FER1L6: variants seen among roughly 807,000 people sequenced by gnomAD.
FER1L6 encodes the protein fer-1 like family member 6.
In FER1L6, 177 loss-of-function variants were observed where a neutral mutation model predicts 219.2. The ratio of observed to expected loss-of-function variants is 0.81; its 90% CI spans 0.71 to 0.91. The LOEUF (loss-of-function observed/expected upper bound fraction) is 0.91, where lower values mean the gene tolerates loss of function less well. FER1L6 is among the 40% of genes least tolerant of loss of function. FER1L6 has a pLI of 0.00. For missense variants in FER1L6, 2,153 were observed against 2,259.9 expected (o/e 0.95, Z 0.96); for synonymous variants, 768 against 824.3 (o/e 0.93, Z 1.17).
At chr8:123,883,075 C>A (rs938129201) in intron 1 of FER1L6, among the ~76,000 whole-genome samples, 1 of 152,060 alleles carries the variant, frequency 6.6e-6, no homozygotes, top group Non-Finnish European at 1.5e-5. Flanking sequence ...AATTCACCAC[C>A]ACCACTACAA....
intron 1 of FER1L6, among the ~76,000 whole-genome samples, chr8:123,904,223 T>TG (rs1563679451): frequency 7.6e-5 from 10 of 130,920 alleles, no homozygotes; most frequent in South Asian, 5.5e-4. Flanking sequence ...ACTCTGTATA[T>TG]TTGTGTGTGT....
intron 15 of FER1L6, among the ~76,000 whole-genome samples, chr8:124,016,958 A>G (rs1039222870): frequency 1.3e-5 from 2 of 152,186 alleles, no homozygotes; most frequent in African/African-American, 2.4e-5. Flanking sequence ...CTAAGAATTT[A>G]CACCCACCTT....
chr8:123,980,823 C>A lies in FER1L6; in HGVS notation c.1410+12C>A. ...ATGTCCCCCCGGAGGTAGGTCTAGG[C>A]ACTGCATTATGGTACTTTACCTATG... On this transcript the variant is annotated intron_variant, in intron 11 of 40. Transcript: ENST00000522917. 6.2e-7 allele frequency: 1 copy of A among 1,601,158 alleles called. No individual in the cohort carries two copies. The highest frequency in any genetic ancestry group is 2.2e-5 in the East Asian group (1 of 44,814).
chr8:124,056,537 C>T (rs1364304189), intron 22 of FER1L6, among the ~76,000 whole-genome samples: 1 of 152,172 alleles, frequency 6.6e-6, no homozygotes, highest in Non-Finnish European at 1.5e-5. Context: ...TTCTCTGATG[C>T]TTGGCACTCA....
intron 1 of FER1L6, among the ~76,000 whole-genome samples, chr8:123,907,758 G>C (rs939318471): frequency 3.8e-5 from 5 of 130,800 alleles, no homozygotes; most frequent in Non-Finnish European, 6.7e-5. Flanking sequence ...ATTCTGGGGA[G>C]TAGCAATCCC....
intron 1 of FER1L6, among the ~76,000 whole-genome samples, chr8:123,952,836 A>T (rs954221643): frequency 2.6e-5 from 4 of 152,204 alleles, no homozygotes; most frequent in African/African-American, 9.7e-5. Flanking sequence ...AAAAAATTGT[A>T]AACTCACATT....
At chr8:123,860,026 T>A (rs1351141548) in intron 1 of FER1L6, among the ~76,000 whole-genome samples, 1 of 145,792 alleles carries the variant, frequency 6.9e-6, no homozygotes, top group Non-Finnish European at 1.5e-5. Context: ...CATGTGCACT[T>A]TGTGCAGGTT....
chr8:123,925,402 G>A (rs183988184), intron 1 of FER1L6, among the ~76,000 whole-genome samples: 90 of 152,316 alleles, frequency 5.9e-4, no homozygotes, highest in Non-Finnish European at 1.1e-3. Flanking sequence ...TTTCAGGACA[G>A]AGCTGGAAGT....
intron 37 of FER1L6, 61 bp from the exon 38 acceptor site, chr8:124,101,036 A>G: frequency 6.6e-7 from 1 of 1,510,304 alleles, no homozygotes; most frequent in Non-Finnish European, 9.2e-7. Context: ...ATCACTTATG[A>G]TTATACTGAT....
intron 18 of FER1L6, among the ~76,000 whole-genome samples, chr8:124,023,900 GTTT>G (rs36091040): frequency 7.4e-6 from 1 of 135,100 alleles, no homozygotes; most frequent in African/African-American, 2.9e-5. Context: ...GAACCTTAAG[GTTT>G]TTTTTTTTTT....
chr8:123,970,063 A>C lies in FER1L6; in HGVS notation c.413A>C (p.Gln138Pro). 1.9e-6 allele frequency: 3 copies of C among 1,614,018 alleles called. No homozygotes were observed. The highest frequency in any genetic ancestry group is 2.5e-6 in the Non-Finnish European group (3 of 1,179,956). The change falls in exon 6 of 41, where the codon CAA becomes CCA. Residue 138 changes from glutamine (Q) to proline (P), a missense_variant. Gln to Pro is a moderately conservative substitution (Grantham distance 76, BLOSUM62 -1). Coordinates refer to ENST00000522917, the MANE Select transcript of FER1L6 (RefSeq NM_001039112.2). ...EYFVFDFIGP[Q>P]VHLFDKIIKI... ...TTTGTCTTCGACTTCATTGGGCCCC[A>C]AGTGCATCTTTTTGACAAGATCATC...
At chr8:124,035,578 T>A in intron 19 of FER1L6, 124 bp downstream of exon 19, 1 of 897,842 alleles carries the variant, frequency 1.1e-6, no homozygotes, top group Admixed American at 3.1e-5. Flanking sequence ...ATTGGTCTTC[T>A]TAAGTAAAGT....
chr8:123,894,541 GT>G (rs1299480990), intron 1 of FER1L6, among the ~76,000 whole-genome samples: 1 of 152,158 alleles, frequency 6.6e-6, no homozygotes, highest in Non-Finnish European at 1.5e-5. Flanking sequence ...CTAAACAATT[GT>G]AAAATGCTCA....
chr8:123,959,370 G>T (rs1474766162), intron 2 of FER1L6, among the ~76,000 whole-genome samples: 1 of 152,192 alleles, frequency 6.6e-6, no homozygotes, highest in Admixed American at 6.5e-5. Context: ...CGACAGCAAG[G>T]CCCCAGCCTG....
At chr8:124,002,932 T>C (rs1213302325) in intron 12 of FER1L6, among the ~76,000 whole-genome samples, 1 of 152,134 alleles carries the variant, frequency 6.6e-6, no homozygotes, top group African/African-American at 2.4e-5. Context: ...TTTTAGTTGA[T>C]GGTATTTTCT....
At chr8:124,022,343 T>C (rs1225698872) in intron 17 of FER1L6, among the ~76,000 whole-genome samples, 1 of 152,234 alleles carries the variant, frequency 6.6e-6, no homozygotes, top group Admixed American at 6.5e-5. Context: ...ACCTGATCAC[T>C]AGGGATTGGA....
chr8:124,069,567 T>C, intron 29 of FER1L6, 92 bp downstream of exon 29: 1 of 846,284 alleles, frequency 1.2e-6, no homozygotes, highest in Non-Finnish European at 1.8e-6. Context: ...TAGTCATGCC[T>C]TTGTTTGATA....
At chr8:123,965,151 A>C (rs1815478773) in intron 3 of FER1L6, among the ~76,000 whole-genome samples, 1 of 152,238 alleles carries the variant, frequency 6.6e-6, no homozygotes, top group Non-Finnish European at 1.5e-5. Context: ...TCAGTTGCAG[A>C]AATTAAAACT....
At chr8:124,002,148 G>A (rs922558642) in intron 12 of FER1L6, among the ~76,000 whole-genome samples, 4 of 152,192 alleles carry the variant, frequency 2.6e-5, no homozygotes, top group Admixed American at 6.5e-5. Context: ...GGCACAAGAA[G>A]GGGGCCTTAT....
Sources: gnomAD v4.1 joint callset for allele counts (sites outside exome capture counted in the v4.1 genomes callset) on GRCh38, gnomAD v4.1.1 for gene constraint, MANE v1.5 for transcripts, NCBI Gene and HGNC (gene_info 2026-07-23, HGNC 2026-07-21) for gene names.